COCH: variants seen among roughly 807,000 people sequenced by gnomAD.
COCH encodes the protein coagulation factor C homolog, cochlin (Limulus polyphemus).
In COCH, 40 loss-of-function variants were observed where a neutral mutation model predicts 54.8. The observed-to-expected ratio is 0.73, with a 90% CI of 0.57 to 0.95. The LOEUF (loss-of-function observed/expected upper bound fraction) is 0.95. Among genes scored for constraint, COCH ranks in the 40% least tolerant of loss-of-function variants. The pLI is 0.00. For missense variants in COCH, 605 were observed against 675.0 expected (o/e 0.90, Z 1.15); for synonymous variants, 256 against 237.9 (o/e 1.08, Z -0.70).
Position 30,880,518 on chromosome 14 carries a change from T to C in COCH, c.481+22T>C, listed in dbSNP as rs1332000092. On this transcript the variant is annotated intron_variant, in intron 7 of 11. Transcript: ENST00000396618. ...AAAGGTAAGAATCAAGATCTCCATT[T>C]GGGAAGGTAGCATTTTCCCTCCCTC... The C allele has an allele frequency of 1.9e-6, 3 of 1,614,024 alleles. No homozygotes were observed. The African/African-American group carries it at 4.0e-5, about 22-fold the overall frequency.
intron 11 of COCH, among the ~76,000 whole-genome samples, chr14:30,888,819 A>T (rs1895882614): frequency 6.6e-6 from 1 of 152,026 alleles, no homozygotes; most frequent in African/African-American, 2.4e-5. Context: ...GATTAAATGA[A>T]AACTTCTACA....
In COCH at chr14:30,889,937, C is replaced by T; in HGVS notation, c.*146C>T. On this transcript the variant is annotated 3_prime_UTR_variant, in exon 12 of 12. Transcript: ENST00000396618. Reference sequence around the variant, plus strand: ...ACAGCCATTTAGGCAAATAAGCACTCCTTTAAAGCCGCTGCCTTCTGGTTA... The same window carrying T: ...ACAGCCATTTAGGCAAATAAGCACTTCTTTAAAGCCGCTGCCTTCTGGTTA... 3.6e-6 allele frequency: 5 copies of T among 1,405,992 alleles called. No individual in the cohort carries two copies. Among genetic ancestry groups the T allele is most frequent in the Non-Finnish European group, 4.6e-6 (5 of 1,081,342 alleles). The allele number at this position is 1,405,992 out of a possible 1,614,324, so 87.1% of individuals were successfully genotyped here.
Position 30,885,961 on chromosome 14 carries a change from A to T in COCH, c.1126A>T (p.Ser376Cys). The change falls in exon 11 of 12, where the codon AGC (serine) becomes TGC (cysteine). Residue 376 changes from serine to cysteine, a missense_variant. Ser to Cys is a moderately radical substitution (Grantham distance 112, BLOSUM62 -1). Transcript: ENST00000396618. ...VNIAFLIDGSSSVGDSNFRLM... is the reference protein window; with the variant it reads ...VNIAFLIDGSCSVGDSNFRLM... ...CATTGCCTTTCTAATTGATGGCTCC[A>T]GCAGTGTTGGAGATAGCAATTTCCG... is the stretch of plus-strand genomic sequence containing the variant. The T allele has an allele frequency of 6.2e-7, 1 of 1,614,238 alleles. No individual in the cohort carries two copies. The highest frequency in any genetic ancestry group is 1.3e-5 in the African/African-American group (1 of 75,064).
intron 9 of COCH, chr14:30,884,922 A>G (rs1446508941): frequency 1.3e-6 from 2 of 1,597,094 alleles, no homozygotes; most frequent in East Asian, 4.5e-5. Flanking sequence ...ATAACATTGG[A>G]GAAGTATCTC....
At chr14:30,891,096 A>T (rs983213896), downstream of COCH, among the ~76,000 whole-genome samples, 2 of 152,140 alleles carry the variant, frequency 1.3e-5, no homozygotes, top group African/African-American at 4.8e-5. Flanking sequence ...TGTCCTAGGC[A>T]TTATACACAG....
At position 30,877,411 on chromosome 14, in the gene COCH, G is replaced by GT; in HGVS notation, c.83-161_83-160insT. 1 of 847,980 alleles carries GT rather than the reference G, an allele frequency of 1.2e-6. No homozygotes were observed. The allele number at this position is 847,980 out of a possible 1,614,324, so 52.5% of individuals were successfully genotyped here. A position where few individuals can be genotyped will look rare whatever the true frequency, so the allele number is the denominator to read the frequency against. The stretch of plus-strand genomic sequence containing the variant: ...AAATTGGAAAACAACCTTGTGGCTT[G>GT]CCAAAATCTGGAATGGTATGGAAGG... On this transcript the variant is annotated intron_variant, in intron 3 of 11. Transcript: ENST00000396618. The surrounding 1 kb of genome is among the most constrained non-coding windows in gnomAD (Gnocchi z 8.6).
At position 30,878,842 on chromosome 14, in the gene COCH, C is replaced by G. The variant is rs540895576; in HGVS notation, c.271C>G (p.Arg91Gly). The G allele has an allele frequency of 1.9e-6, 3 of 1,614,150 alleles. No individual in the cohort carries two copies. The East Asian group carries it at 6.7e-5, about 36-fold the overall frequency. Residue 91 changes from arginine (R) to glycine (G), a missense_variant, in exon 5 of 12, where the codon CGA becomes GGA. Physicochemically the swap from Arg to Gly is moderately radical, Grantham distance 125 (BLOSUM62 -2). Transcript: ENST00000396618. Reference protein sequence around the residue: ...GVISNSGGPVRVYSLPGRENY... With the variant: ...GVISNSGGPVGVYSLPGRENY... The stretch of plus-strand genomic sequence containing the variant: ...AATCAGCAACTCAGGGGGACCTGTA[C>G]GAGTCTATAGCCTACCTGGTCGAGA...
At position 30,885,769 on chromosome 14, in the gene COCH, A is replaced by T. The variant is rs1895766051; in HGVS notation, c.961-27A>T. Reference sequence around the variant, plus strand: ...AAGAAACAACTTTTGATCCTTTTGGATATCTTTTATGTGTCTCCCCCATTA... The same window carrying T: ...AAGAAACAACTTTTGATCCTTTTGGTTATCTTTTATGTGTCTCCCCCATTA... On this transcript the variant is annotated intron_variant, in intron 10 of 11. Transcript: ENST00000396618. The T allele has an allele frequency of 1.9e-6, 3 of 1,609,342 alleles. No homozygotes were observed. The East Asian group carries it at 6.7e-5, about 36-fold the overall frequency.
In COCH at chr14:30,877,753, G is replaced by T; in HGVS notation, c.239+25G>T. 6.2e-7 allele frequency: 1 copy of T among 1,613,980 alleles called. No individual in the cohort carries two copies. On this transcript the variant is annotated intron_variant, in intron 4 of 11. Transcript: ENST00000396618. The surrounding 1 kb of genome is among the most constrained non-coding windows in gnomAD (Gnocchi z 8.6). ...GGTAAGCCCAAACACACCAGGGTGG[G>T]AGAGAAATGCAGACGTGATTATTTC...
rs1895715871 is a variant in COCH at position 30,884,556 on chromosome 14, A to G, written c.633A>G (p.Glu211=). Residue 211 remains glutamate, a synonymous_variant, in exon 9 of 12, where the codon GAA becomes GAG. Coordinates refer to ENST00000396618, the MANE Select transcript of COCH (RefSeq NM_004086.3). The part of the protein sequence containing the change: ...GPHVGLVQAS[E]HPKIEFYLKN... ...ACATTTTCTTTCTTCCACTCAGTGA[A>G]CATCCCAAAATAGAATTTTACTTGA... 2 of 1,606,738 alleles carry G rather than the reference A, an allele frequency of 1.2e-6. No individual in the cohort carries two copies. Among genetic ancestry groups the G allele is most frequent in the Admixed American group, 1.7e-5 (1 of 60,006 alleles).
At chr14:30,874,771 AGGGGCGCTGGCCTGGAGCAGC>A (rs1895291146) in intron 1 of COCH, 124 bp from the exon 2 acceptor site, 1 of 755,346 alleles carries the variant, frequency 1.3e-6, no homozygotes, top group African/African-American at 1.7e-5. Flanking sequence ...CCAGACCTAG[AGGGGCGCTGGCCTGGAGCAGC>A]GGGTCGTCTG....
rs548387738 is a variant in COCH at position 30,880,720 on chromosome 14, C to T, written c.615C>T (p.Gly205=). 2.5e-4 allele frequency: 404 copies of T among 1,613,262 alleles called. 4 individuals are homozygous for T. In the South Asian group the frequency reaches 3.8e-3, roughly 15 times the overall value. ...LGIGTEGPHV[G]LVQASEHPKI... ...TTGGAACAGAAGGACCACATGTGGG[C>T]CTTGTTCAAGCCAGGTACCAACCTT... is the stretch of plus-strand genomic sequence containing the variant. Residue 205 remains glycine, a synonymous_variant, in exon 8 of 12, where the codon GGC becomes GGT. Coordinates refer to ENST00000396618, the MANE Select transcript of COCH (RefSeq NM_004086.3).
chr14:30,880,805 T>C (rs1242738413), intron 8 of COCH, 71 bp downstream of exon 8: 8 of 1,115,892 alleles, frequency 7.2e-6, no homozygotes, highest in South Asian at 1.3e-5. Context: ...TAATTATATA[T>C]ACTTATGGGG....
chr14:30,889,728 A>T lies in COCH; in HGVS notation c.1590A>T (p.Leu530Phe), dbSNP rs1479880568. The change falls in exon 12 of 12, where the codon TTA becomes TTT. Residue 530 changes from leucine to phenylalanine, a missense_variant. Physicochemically the swap from Leu to Phe is conservative, Grantham distance 22. Coordinates refer to ENST00000396618, the MANE Select transcript of COCH (RefSeq NM_004086.3). ...TCTTCACAAGAGAGTTCACAGGATT[A>T]GAACCAATTGTTTCTGATGTCATCA... ...HAFFTREFTG[L>F]EPIVSDVIRG... The T allele has an allele frequency of 6.2e-7, 1 of 1,613,944 alleles. No individual in the cohort carries two copies. Among genetic ancestry groups the T allele is most frequent in the Non-Finnish European group, 8.5e-7 (1 of 1,179,798 alleles).
downstream of COCH, among the ~76,000 whole-genome samples, chr14:30,891,855 A>C (rs1387387615): frequency 2.0e-5 from 3 of 152,224 alleles, no homozygotes; most frequent in Non-Finnish European, 4.4e-5. Flanking sequence ...TATGTAAGTA[A>C]ACATAATCAG....
intron 2 of COCH, 32 bp from the exon 3 acceptor site, chr14:30,875,024 T>TC: frequency 6.2e-7 from 1 of 1,612,692 alleles, no homozygotes; most frequent in Non-Finnish European, 8.5e-7. Flanking sequence ...GGGTGGAGGC[T>TC]GGAGCCAGCC....
In COCH at chr14:30,876,765, G is replaced by A. The variant is rs557457734; in HGVS notation, c.83-807G>A. 2.6e-5 allele frequency among the ~76,000 whole-genome samples: 4 copies of A among 152,256 alleles called. No individual in the cohort carries two copies. In the East Asian group the frequency reaches 5.8e-4, roughly 22 times the overall value. On this transcript the variant is annotated intron_variant, in intron 3 of 11. Transcript: ENST00000396618. The stretch of plus-strand genomic sequence containing the variant: ...TTTACTATCTTTACCTCAAGCAACT[G>A]TGTACATAGCGTCATCAAAGTTGAG...
At chr14:30,892,812 CA>C (rs953152690), downstream of COCH, among the ~76,000 whole-genome samples, 40 of 122,896 alleles carry the variant, frequency 3.3e-4, no homozygotes, top group East Asian at 4.6e-4. Context: ...CGCTCCATCT[CA>C]AAAAAAAAAA....
At chr14:30,884,724 G>C in intron 9 of COCH, 68 bp downstream of exon 9, 1 of 1,358,042 alleles carries the variant, frequency 7.4e-7, no homozygotes, top group South Asian at 1.2e-5. Context: ...ATGTAAAACA[G>C]TATTATGCTA....
Sources: allele counts gnomAD v4.1 joint callset (sites outside exome capture counted in the v4.1 genomes callset), GRCh38; gene constraint gnomAD v4.1.1; non-coding constraint Gnocchi (gnomAD v3.1); transcripts MANE v1.5; gene names NCBI Gene and HGNC (gene_info 2026-07-23, HGNC 2026-07-21).